The following IL16 variants were observed in gnomAD, a reference collection of about 807,000 sequenced individuals.
The protein encoded by IL16 is interleukin 16.
In IL16, 67 loss-of-function variants were observed where a neutral mutation model predicts 110.1. That is an observed-to-expected ratio of 0.61 (90% CI 0.50 to 0.75). The LOEUF is 0.75. IL16 is among the 30% of genes least tolerant of loss of function. The probability of loss-of-function intolerance (pLI) is 0.00; values close to 1 mark genes in which losing one functional copy is unlikely to be tolerated. For missense variants in IL16, 1,545 were observed against 1,655.0 expected (o/e 0.93, Z 1.15); for synonymous variants, 689 against 662.9 (o/e 1.04, Z -0.61).
chr15:81,295,615 A>G (rs1899946645), intron 12 of IL16: 1 of 736,028 alleles, frequency 1.4e-6, no homozygotes, highest in Admixed American at 3.0e-5. Context: ...GCCATGACTC[A>G]GCCTTACTTT....
intron 1 of IL16, among the ~76,000 whole-genome samples, chr15:81,211,533 T>C (rs1164207645): frequency 6.6e-6 from 1 of 152,202 alleles, no homozygotes; most frequent in Non-Finnish European, 1.5e-5. Context: ...ATTACAAGCA[T>C]GAGCCACCGC....
At chr15:81,199,782 A>G (rs528941593) in intron 1 of IL16, among the ~76,000 whole-genome samples, 21 of 152,298 alleles carry the variant, frequency 1.4e-4, no homozygotes, top group African/African-American at 4.8e-4. Flanking sequence ...CAGGAAATCT[A>G]AGCCCTTTCT....
At chr15:81,255,748 T>C (rs1263185415) in intron 2 of IL16, among the ~76,000 whole-genome samples, 1 of 148,068 alleles carries the variant, frequency 6.8e-6, no homozygotes, top group Non-Finnish European at 1.5e-5. Flanking sequence ...AACACGGCAT[T>C]AAGTATTTAC....
intron 1 of IL16, among the ~76,000 whole-genome samples, chr15:81,183,483 G>A (rs974445859): frequency 1.3e-5 from 2 of 152,178 alleles, no homozygotes; most frequent in African/African-American, 4.8e-5. Context: ...CTTTTGCTCT[G>A]GAAACATAAA....
chr15:81,290,650 A>C (rs139118838), intron 11 of IL16, 110 bp downstream of exon 11: 1 of 652,284 alleles, frequency 1.5e-6, no homozygotes, highest in African/African-American at 1.9e-5. Flanking sequence ...CATTTACCAT[A>C]GACCAGCATA....
At position 81,285,539 on chromosome 15, in the gene IL16, C is replaced by T. The variant is rs142348188; in HGVS notation, c.1200-159C>T. On this transcript the variant is annotated intron_variant, in intron 9 of 18. Transcript: ENST00000683961. ...ATGGGATATGCTACTTTGGTCTGCCCTGTTCTGAGTTTTGGTCTGGTGGCT... is the reference window on the plus strand; with the variant it reads ...ATGGGATATGCTACTTTGGTCTGCCTTGTTCTGAGTTTTGGTCTGGTGGCT... Among the ~76,000 whole-genome samples the T allele has an allele frequency of 2.5e-3, 378 of 152,280 alleles. 2 individuals carry two copies. Among genetic ancestry groups the T allele is most frequent in the African/African-American group, 8.2e-3 (341 of 41,534 alleles).
intron 7 of IL16, 144 bp downstream of exon 7, chr15:81,279,034 AAAG>A: frequency 1.5e-6 from 1 of 655,696 alleles, no homozygotes; most frequent in South Asian, 1.8e-5. Context: ...CGCAGGGTTA[AAAG>A]AAGACCTGAC....
intron 2 of IL16, among the ~76,000 whole-genome samples, chr15:81,228,571 G>T (rs1365572872): frequency 6.6e-6 from 1 of 152,024 alleles, no homozygotes; most frequent in East Asian, 1.9e-4. Context: ...TGATCTGCCC[G>T]CCTTGGCCTC....
intron 1 of IL16, among the ~76,000 whole-genome samples, chr15:81,206,078 T>C (rs956163255): frequency 1.3e-5 from 2 of 152,232 alleles, no homozygotes; most frequent in African/African-American, 4.8e-5. Context: ...TAAGATTTTT[T>C]CAGATTAATT....
intron 10 of IL16, among the ~76,000 whole-genome samples, chr15:81,287,205 T>G (rs535133729): frequency 6.6e-6 from 1 of 152,280 alleles, no homozygotes; most frequent in South Asian, 2.1e-4. Context: ...GAACCGAAGA[T>G]ATCTCGAATA....
At chr15:81,288,271 T>C (rs1899542175) in intron 10 of IL16, among the ~76,000 whole-genome samples, 1 of 152,162 alleles carries the variant, frequency 6.6e-6, no homozygotes, top group Non-Finnish European at 1.5e-5. Flanking sequence ...TGCTTGCTTA[T>C]GGTTAATTTG....
chr15:81,289,449 T>C (rs1339291615), intron 10 of IL16, among the ~76,000 whole-genome samples: 1 of 152,176 alleles, frequency 6.6e-6, no homozygotes, highest in Non-Finnish European at 1.5e-5. Context: ...TTCTTTTTGT[T>C]TATAGTAGCC....
intron 1 of IL16, among the ~76,000 whole-genome samples, chr15:81,220,154 C>T (rs1477703295): frequency 3.3e-5 from 5 of 151,892 alleles, no homozygotes; most frequent in Admixed American, 2.0e-4. Context: ...TCTTTTTTTT[C>T]GAGACAGGGT....
At chr15:81,288,675 ACTACT>A (rs1899561905) in intron 10 of IL16, among the ~76,000 whole-genome samples, 1 of 152,130 alleles carries the variant, frequency 6.6e-6, no homozygotes. Flanking sequence ...TGTGATTTTG[ACTACT>A]CTACGTTCAT....
At chr15:81,291,455 A>T (rs1196866984) in intron 11 of IL16, among the ~76,000 whole-genome samples, 1 of 152,168 alleles carries the variant, frequency 6.6e-6, no homozygotes, top group African/African-American at 2.4e-5. Context: ...CAGGAAAAAA[A>T]AAAAGAAAAC....
intron 4 of IL16, among the ~76,000 whole-genome samples, chr15:81,267,124 T>G (rs901511239): frequency 6.6e-6 from 1 of 152,140 alleles, no homozygotes; most frequent in African/African-American, 2.4e-5. Flanking sequence ...CCCTGAGGAT[T>G]GGGCTAGCGG....
intron 12 of IL16, among the ~76,000 whole-genome samples, chr15:81,295,721 G>A (rs1028106101): frequency 1.3e-5 from 2 of 152,174 alleles, no homozygotes; most frequent in African/African-American, 4.8e-5. Flanking sequence ...TTCTACAGTA[G>A]GGAACTCGAG....
At chr15:81,272,907 T>TTGTTGTTGTTGTTGG (rs1301375930) in intron 5 of IL16, among the ~76,000 whole-genome samples, 183 bp from the exon 6 acceptor site, 1 of 143,892 alleles carries the variant, frequency 6.9e-6, no homozygotes, top group African/African-American at 2.7e-5. Flanking sequence ...CTTCCTATTT[T>TTGTTGTTGTTGTTGG]TGTTGTTGTT....
chr15:81,241,317 T>G (rs1897328252), intron 2 of IL16, among the ~76,000 whole-genome samples: 1 of 151,974 alleles, frequency 6.6e-6, no homozygotes, highest in Non-Finnish European at 1.5e-5. Context: ...AGGATAAGCT[T>G]AAATCTAAAA....
Sources: gnomAD v4.1 joint callset for allele counts (sites outside exome capture counted in the v4.1 genomes callset) on GRCh38, gnomAD v4.1.1 for gene constraint, MANE v1.5 for transcripts, NCBI Gene and HGNC (gene_info 2026-07-23, HGNC 2026-07-21) for gene names.